The following GABRR3 variants were observed in gnomAD, a reference collection of about 807,000 sequenced individuals.
The protein encoded by GABRR3 is gamma-aminobutyric acid type A receptor subunit rho3.
A neutral mutation model predicts 43.2 loss-of-function variants in GABRR3; 29 were observed. That is an observed-to-expected ratio of 0.67 (90% confidence interval 0.50 to 0.92). GABRR3 has a LOEUF of 0.92. GABRR3 is among the 40% of genes least tolerant of loss of function. GABRR3 has a pLI of 0.00. For missense variants in GABRR3, 576 were observed against 572.3 expected, an observed-to-expected ratio of 1.01 and a Z score of -0.07; for synonymous variants, 206 against 195.9, an observed-to-expected ratio of 1.05 and a Z score of -0.43.
intron 5 of GABRR3, among the ~76,000 whole-genome samples, chr3:98,009,574 T>G (rs1351904784): frequency 6.6e-6 from 1 of 152,248 alleles, no homozygotes; most frequent in Non-Finnish European, 1.5e-5. Flanking sequence ...CAGGTACTAT[T>G]AAGCCAAAAG....
intron 4 of GABRR3, 108 bp downstream of exon 4, chr3:98,017,547 C>T (rs1488492413): frequency 1.3e-6 from 1 of 771,054 alleles, no homozygotes; most frequent in Non-Finnish European, 2.2e-6. Flanking sequence ...AAGTAGGAGA[C>T]ATAAATAACA....
chr3:98,016,851 G>C (rs1404723347), intron 4 of GABRR3, among the ~76,000 whole-genome samples: 1 of 152,102 alleles, frequency 6.6e-6, no homozygotes, highest in Non-Finnish European at 1.5e-5. Context: ...ATGTAAACAA[G>C]GAAAGTGGTC....
intron 8 of GABRR3, chr3:97,997,777 A>C (rs1047300230): frequency 2.6e-5 from 4 of 152,240 alleles, no homozygotes; most frequent in Non-Finnish European, 5.9e-5. Flanking sequence ...ACCACCACAT[A>C]TGCAGTCACA....
intron 8 of GABRR3, chr3:98,001,269 A>G: frequency 4.7e-6 from 1 of 215,018 alleles, no homozygotes; most frequent in Non-Finnish European, 9.4e-6. Flanking sequence ...CTGAAAAGCT[A>G]AATGGACTTG....
chr3:98,008,922 A>C, intron 6 of GABRR3, 34 bp downstream of exon 6: 1 of 1,274,624 alleles, frequency 7.8e-7, no homozygotes, highest in South Asian at 1.3e-5. Flanking sequence ...TGTTCAAATG[A>C]TGTGCACTCA....
chr3:98,013,761 A>G (rs1209878371), intron 4 of GABRR3, among the ~76,000 whole-genome samples: 2 of 152,226 alleles, frequency 1.3e-5, no homozygotes, highest in Non-Finnish European at 2.9e-5. Context: ...AATAAACAGA[A>G]TGGTTGCTTC....
intron 2 of GABRR3, among the ~76,000 whole-genome samples, chr3:98,026,769 T>A (rs1248307887): frequency 6.6e-6 from 1 of 152,122 alleles, no homozygotes; most frequent in African/African-American, 2.4e-5. Flanking sequence ...CGGAAACCAA[T>A]GTGAATTTTA....
At chr3:97,996,758 C>T (rs1010995182) in intron 8 of GABRR3, among the ~76,000 whole-genome samples, 2 of 152,194 alleles carry the variant, frequency 1.3e-5, no homozygotes, top group African/African-American at 4.8e-5. Flanking sequence ...ATATTTTTGA[C>T]CCATCACACA....
intron 2 of GABRR3, among the ~76,000 whole-genome samples, chr3:98,031,246 A>C (rs933491479): frequency 6.6e-6 from 1 of 152,210 alleles, no homozygotes; most frequent in Non-Finnish European, 1.5e-5. Flanking sequence ...GGTCTCTGTC[A>C]GATCACAAGC....
chr3:98,032,055 G>A (rs1385118866), intron 2 of GABRR3, among the ~76,000 whole-genome samples: 4 of 147,726 alleles, frequency 2.7e-5, no homozygotes, highest in African/African-American at 1.0e-4. Flanking sequence ...GCAGAGATGT[G>A]TCTAGCACAT....
chr3:98,027,142 A>G (rs558564924), intron 2 of GABRR3, among the ~76,000 whole-genome samples: 1 of 150,656 alleles, frequency 6.6e-6, no homozygotes, highest in Non-Finnish European at 1.5e-5. Context: ...ACTATTTATT[A>G]AAAAAAAATA....
intron 8 of GABRR3, among the ~76,000 whole-genome samples, chr3:97,994,963 G>A (rs1706515883): frequency 6.6e-6 from 1 of 152,042 alleles, no homozygotes; most frequent in East Asian, 1.9e-4. Flanking sequence ...CCACTTAGGT[G>A]CTAACCTCAT....
chr3:98,034,851 T>C lies in GABRR3; in HGVS notation c.125+12A>G. On this transcript the variant is annotated intron_variant, in intron 2 of 9. Transcript: ENST00000621172. ...GGCAGTAATTCCATGGACTGCACTA[T>C]GAGCATCTTACCAGGTTTGTTTCAT... is the stretch of plus-strand genomic sequence containing the variant. 22 of 1,612,720 alleles carry C rather than the reference T, an allele frequency of 1.4e-5. No individual in the cohort carries two copies. The highest frequency in any genetic ancestry group is 1.9e-5 in the Non-Finnish European group (22 of 1,179,018).
chr3:98,002,877 G>A (rs911048201), intron 7 of GABRR3, among the ~76,000 whole-genome samples: 16 of 152,084 alleles, frequency 1.1e-4, no homozygotes, highest in Admixed American at 5.2e-4. Context: ...AACCCAAGAC[G>A]GCAAACCTAT....
At chr3:98,018,066 G>A (rs529215888) in intron 3 of GABRR3, among the ~76,000 whole-genome samples, 5 of 148,598 alleles carry the variant, frequency 3.4e-5, no homozygotes, top group Non-Finnish European at 7.4e-5. Flanking sequence ...AAGGAAAAGT[G>A]TTTTGAAAAC....
intron 1 of GABRR3, 77 bp downstream of exon 1, chr3:98,035,113 G>A: frequency 2.6e-6 from 3 of 1,150,264 alleles, no homozygotes; most frequent in Non-Finnish European, 2.4e-6. Flanking sequence ...AGGGGAAAAA[G>A]AAAGACATTG....
At chr3:98,031,626 C>T (rs1367251326) in intron 2 of GABRR3, among the ~76,000 whole-genome samples, 1 of 151,870 alleles carries the variant, frequency 6.6e-6, no homozygotes, top group African/African-American at 2.4e-5. Context: ...GCCTGTTGTC[C>T]CAGCTACTTG....
At chr3:97,994,740 C>T (rs566441300) in intron 8 of GABRR3, among the ~76,000 whole-genome samples, 4 of 152,260 alleles carry the variant, frequency 2.6e-5, no homozygotes, top group Non-Finnish European at 4.4e-5. Context: ...CCACACATAA[C>T]AGAAAACAAA....
chr3:98,022,026 G>A (rs1328727731), intron 3 of GABRR3, among the ~76,000 whole-genome samples: 1 of 152,142 alleles, frequency 6.6e-6, no homozygotes, highest in Non-Finnish European at 1.5e-5. Context: ...TAGGAAAGTA[G>A]CCAGATCCTT....
Sources: gnomAD v4.1 joint callset for allele counts (sites outside exome capture counted in the v4.1 genomes callset) on GRCh38, gnomAD v4.1.1 for gene constraint, MANE v1.5 for transcripts, NCBI Gene and HGNC (gene_info 2026-07-23, HGNC 2026-07-21) for gene names.